The following SORBS2 variants were observed in gnomAD, a reference collection of about 807,000 sequenced individuals.
SORBS2 encodes the protein sorbin and SH3 domain containing 2.
Under a neutral mutation model 97.7 loss-of-function variants are expected in SORBS2, and 46 were observed. The observed-to-expected ratio is 0.47, with a 90% CI of 0.37 to 0.60. The LOEUF (loss-of-function observed/expected upper bound fraction) is 0.60. Among genes scored for constraint, SORBS2 ranks in the 20% least tolerant of loss-of-function variants. The pLI is 0.00. For missense variants in SORBS2, 1,316 were observed against 1,282.3 expected (o/e 1.03, Z -0.40); for synonymous variants, 476 against 473.4 (o/e 1.01, Z -0.07).
chr4:185,889,867 C>T (rs2099241586), intron 1 of SORBS2, among the ~76,000 whole-genome samples: 1 of 152,144 alleles, frequency 6.6e-6, no homozygotes, highest in Admixed American at 6.5e-5. Context: ...CACTCCCCCA[C>T]AATTCTGCCA....
chr4:185,779,037 G>A (rs1342714802), intron 1 of SORBS2, among the ~76,000 whole-genome samples: 1 of 152,156 alleles, frequency 6.6e-6, no homozygotes, highest in Non-Finnish European at 1.5e-5. Flanking sequence ...CACAGAGCTT[G>A]GTAAAAATAA....
intron 2 of SORBS2, among the ~76,000 whole-genome samples, chr4:185,759,395 T>C (rs2098850804): frequency 6.6e-6 from 1 of 152,194 alleles, no homozygotes; most frequent in Non-Finnish European, 1.5e-5. Flanking sequence ...AGGTGCTCCA[T>C]TGGATGTATC....
chr4:185,705,669 T>C (rs2098332831), intron 2 of SORBS2, among the ~76,000 whole-genome samples: 2 of 152,310 alleles, frequency 1.3e-5, no homozygotes, highest in South Asian at 2.1e-4. Context: ...CCTCTAACAA[T>C]ATCTGGTACA....
At chr4:185,836,547 C>A (rs976644364) in intron 1 of SORBS2, among the ~76,000 whole-genome samples, 9 of 152,136 alleles carry the variant, frequency 5.9e-5, no homozygotes, top group Non-Finnish European at 1.3e-4. Context: ...TTAGGGAAAT[C>A]GCTCATTTCT....
Position 185,607,551 on chromosome 4 carries a change from C to A in SORBS2, c.2796+4229G>T, listed in dbSNP as rs2096453968. Among the ~76,000 whole-genome samples, 1 of 152,012 alleles carries A rather than the reference C, an allele frequency of 6.6e-6. No individual in the cohort carries two copies. Among genetic ancestry groups the A allele is most frequent in the Non-Finnish European group, 1.5e-5 (1 of 68,002 alleles). ...TTGCTGAAATTTAAATACATAAAAT[C>A]ATTTATGTTAATTAGAAAAGTTACT... On this transcript the variant is annotated intron_variant, in intron 12 of 14. Transcript: ENST00000418609. This position sits in a 1 kb window ranked among gnomAD's most constrained non-coding sequence, Gnocchi z 5.2.
intron 2 of SORBS2, among the ~76,000 whole-genome samples, chr4:185,709,207 A>G (rs1471290873): frequency 1.3e-5 from 2 of 149,732 alleles, no homozygotes; most frequent in South Asian, 2.2e-4. Context: ...TTTAGTAGAG[A>G]TGGGGTTTTG....
At chr4:185,903,834 T>C (rs2099249118) in intron 1 of SORBS2, among the ~76,000 whole-genome samples, 3 of 152,138 alleles carry the variant, frequency 2.0e-5, no homozygotes, top group Admixed American at 2.0e-4. Context: ...AACTACTGAA[T>C]GGAAGTTATC....
intron 4 of SORBS2, among the ~76,000 whole-genome samples, chr4:185,667,810 T>C (rs1021649325): frequency 2.6e-5 from 4 of 151,164 alleles, no homozygotes; most frequent in African/African-American, 9.7e-5. Flanking sequence ...TTGGTGGGGA[T>C]GCATCCTTAT....
At chr4:185,655,781 G>C (rs1016370703) in intron 1 of SORBS2, among the ~76,000 whole-genome samples, 1 of 152,146 alleles carries the variant, frequency 6.6e-6, no homozygotes, top group Non-Finnish European at 1.5e-5. Flanking sequence ...ACCAGGCAAA[G>C]TCTGGTTAGT....
chr4:185,587,966 C>T (rs560137097), intron 14 of SORBS2: 37 of 352,608 alleles, frequency 1.0e-4, no homozygotes, highest in African/African-American at 7.6e-4. Flanking sequence ...GGAAAGTCAG[C>T]CCTGCTGAGG....
At chr4:185,653,882 G>A (rs1198488299) in intron 1 of SORBS2, among the ~76,000 whole-genome samples, 1 of 152,136 alleles carries the variant, frequency 6.6e-6, no homozygotes, top group Non-Finnish European at 1.5e-5. Flanking sequence ...CACACCAGAC[G>A]TTCCAAGACA....
chr4:185,888,999 G>C (rs780287975), intron 1 of SORBS2, among the ~76,000 whole-genome samples: 1 of 152,240 alleles, frequency 6.6e-6, no homozygotes, highest in African/African-American at 2.4e-5. Flanking sequence ...GCAGGCGACT[G>C]CTGTCATTAT....
intron 1 of SORBS2, among the ~76,000 whole-genome samples, chr4:185,823,864 C>T (rs915732460): frequency 2.0e-5 from 3 of 151,974 alleles, no homozygotes; most frequent in Admixed American, 2.0e-4. Flanking sequence ...GTCTGCGGTT[C>T]GATAAAAAGG....
intron 2 of SORBS2, among the ~76,000 whole-genome samples, chr4:185,717,387 G>A (rs1166732383): frequency 6.6e-6 from 1 of 152,210 alleles, no homozygotes; most frequent in Non-Finnish European, 1.5e-5. Flanking sequence ...GGGAGCCATG[G>A]ATATCTCTGT....
At chr4:185,807,629 A>C (rs2099162512) in intron 1 of SORBS2, among the ~76,000 whole-genome samples, 1 of 152,228 alleles carries the variant, frequency 6.6e-6, no homozygotes, top group South Asian at 2.1e-4. Flanking sequence ...TTAAGCTGAA[A>C]CGTGAGTTCT....
intron 1 of SORBS2, among the ~76,000 whole-genome samples, chr4:185,928,022 C>A (rs1022579253): frequency 1.3e-5 from 2 of 152,004 alleles, no homozygotes; most frequent in Admixed American, 1.3e-4. Flanking sequence ...TCCATTTTTT[C>A]CCTTCTGCTT....
chr4:185,789,113 C>T (rs2099069263), intron 1 of SORBS2, among the ~76,000 whole-genome samples: 1 of 152,180 alleles, frequency 6.6e-6, no homozygotes, highest in East Asian at 1.9e-4. Flanking sequence ...AGATCAAGGA[C>T]CAGGTCAGGT....
At chr4:185,826,742 T>G (rs778694951) in intron 1 of SORBS2, among the ~76,000 whole-genome samples, 6 of 152,216 alleles carry the variant, frequency 3.9e-5, no homozygotes, top group Non-Finnish European at 8.8e-5. Context: ...TATAGGGCAC[T>G]GTAGTCAGGT....
upstream of SORBS2, among the ~76,000 whole-genome samples, chr4:185,661,085 G>A (rs1305866907): frequency 6.6e-6 from 1 of 151,304 alleles, no homozygotes; most frequent in East Asian, 1.9e-4. Flanking sequence ...GACCAACCTG[G>A]CCAACATGGT....
Sources: gnomAD v4.1 joint callset for allele counts (sites outside exome capture counted in the v4.1 genomes callset) on GRCh38, gnomAD v4.1.1 for gene constraint, Gnocchi (gnomAD v3.1) non-coding constraint, MANE v1.5 for transcripts, NCBI Gene and HGNC (gene_info 2026-07-23, HGNC 2026-07-21) for gene names.